Variants in AS3MT observed in about 807,000 individuals in gnomAD.
The protein encoded by AS3MT is S-adenosyl-L-methionine:arsenic(III) methyltransferase.
AS3MT carries 47 observed loss-of-function variants against 45.3 expected under a neutral mutation model. The ratio of observed to expected loss-of-function variants is 1.04; its 90% CI spans 0.82 to 1.32. The LOEUF (loss-of-function observed/expected upper bound fraction) is 1.32, where lower values mean the gene tolerates loss of function less well. Among genes scored for constraint, AS3MT ranks in the 40% most tolerant of loss-of-function variants. AS3MT has a pLI of 0.00. For synonymous variants in AS3MT, 141 were observed against 152.8 expected (o/e 0.92, Z 0.57); for missense variants, 396 against 451.1 (o/e 0.88, Z 1.11).
At chr10:102,892,337 C>T (rs1235232457) in intron 10 of AS3MT, among the ~76,000 whole-genome samples, 1 of 152,104 alleles carries the variant, frequency 6.6e-6, no homozygotes, top group Non-Finnish European at 1.5e-5. Flanking sequence ...AAATTCCGTG[C>T]TGCTAAAATT....
Position 102,890,640 on chromosome 10 carries a change from T to G in AS3MT, c.982T>G (p.Leu328Val). The G allele has an allele frequency of 6.2e-7, 1 of 1,613,716 alleles. No homozygotes were observed. Among genetic ancestry groups the G allele is most frequent in the Non-Finnish European group, 8.5e-7 (1 of 1,179,850 alleles). The change falls in exon 10 of 11, where the codon TTG becomes GTG. Residue 328 changes from leucine to valine, a missense_variant. Coordinates refer to ENST00000369880, the MANE Select transcript of AS3MT (RefSeq NM_020682.4). The part of the protein sequence containing the change: ...DFLIRPIGEK[L>V]PTSGGCSALE... ...TCTGATCAGACCAATTGGAGAGAAG[T>G]TGCCAACATCTGGAGGCTGTTCTGC...
At chr10:102,883,350 C>G (rs1027021794) in intron 9 of AS3MT, among the ~76,000 whole-genome samples, 3 of 151,794 alleles carry the variant, frequency 2.0e-5, no homozygotes, top group Non-Finnish European at 4.4e-5. Flanking sequence ...ATCTGCCCAC[C>G]TCGGCCTCCC....
At chr10:102,889,835 C>A (rs1362363395) in intron 9 of AS3MT, among the ~76,000 whole-genome samples, 2 of 151,832 alleles carry the variant, frequency 1.3e-5, no homozygotes, top group Non-Finnish European at 2.9e-5. Flanking sequence ...GCCGCCATAC[C>A]CAGCTAATTT....
At chr10:102,876,399 T>C (rs530071871) in intron 6 of AS3MT, among the ~76,000 whole-genome samples, 1 of 150,988 alleles carries the variant, frequency 6.6e-6, no homozygotes, top group East Asian at 2.0e-4. Context: ...AACAATCCTC[T>C]TGAGTAGCTA....
chr10:102,877,392 T>C (rs1182425017), intron 7 of AS3MT, among the ~76,000 whole-genome samples: 1 of 152,184 alleles, frequency 6.6e-6, no homozygotes, highest in Non-Finnish European at 1.5e-5. Context: ...GTTCTCATCA[T>C]TATTGTGTTC....
chr10:102,874,178 G>A (rs1213852825), intron 5 of AS3MT, among the ~76,000 whole-genome samples: 1 of 152,014 alleles, frequency 6.6e-6, no homozygotes, highest in Non-Finnish European at 1.5e-5. Context: ...ACTTGAACCC[G>A]GGAGGCGGAG....
intron 9 of AS3MT, among the ~76,000 whole-genome samples, chr10:102,889,795 C>A (rs1475576574): frequency 6.6e-6 from 1 of 151,842 alleles, no homozygotes; most frequent in Non-Finnish European, 1.5e-5. Flanking sequence ...TCTGCCTCAG[C>A]CTCCCGAGTA....
rs1845265025 is a variant in AS3MT at position 102,901,155 on chromosome 10, AT to A, written c.*457del. 1 of 151,710 alleles carries A rather than the reference AT, an allele frequency of 6.6e-6. No homozygotes were observed. The highest frequency in any genetic ancestry group is 1.9e-4 in the East Asian group (1 of 5,186). The allele number at this position is 151,710 out of a possible 1,614,324, so 9.4% of individuals were successfully genotyped here. On this transcript the variant is annotated 3_prime_UTR_variant, in exon 11 of 11. Coordinates refer to ENST00000369880, the MANE Select transcript of AS3MT (RefSeq NM_020682.4). The stretch of plus-strand genomic sequence containing the variant: ...ACAACAAATGGCAGAGAGCCACCAT[AT>A]TCCAAATCACTGAAAAAAATAAATG...
At chr10:102,882,414 A>C in intron 9 of AS3MT, among the ~76,000 whole-genome samples, 1 of 148,606 alleles carries the variant, frequency 6.7e-6, no homozygotes. Flanking sequence ...AAATGTATTT[A>C]TTTCTTTATT....
At chr10:102,893,850 T>G (rs1268837377) in intron 10 of AS3MT, among the ~76,000 whole-genome samples, 1 of 151,642 alleles carries the variant, frequency 6.6e-6, no homozygotes, top group Non-Finnish European at 1.5e-5. Flanking sequence ...GTCAGGCTGG[T>G]CTCAAACTGC....
intron 3 of AS3MT, among the ~76,000 whole-genome samples, chr10:102,871,598 G>A (rs1172898347): frequency 1.4e-5 from 2 of 138,314 alleles, no homozygotes; most frequent in Non-Finnish European, 3.1e-5. Context: ...AGTGGTGGCA[G>A]GCGCTCGTAG....
intron 5 of AS3MT, among the ~76,000 whole-genome samples, chr10:102,873,582 A>G (rs1259900129): frequency 6.6e-6 from 1 of 152,118 alleles, no homozygotes; most frequent in Non-Finnish European, 1.5e-5. Flanking sequence ...CACTGTGCTC[A>G]GCCCTCATTT....
intron 6 of AS3MT, among the ~76,000 whole-genome samples, chr10:102,876,028 CTTTG>C (rs1431275227): frequency 6.6e-6 from 1 of 151,954 alleles, no homozygotes; most frequent in Non-Finnish European, 1.5e-5. Context: ...TTAGTGATGT[CTTTG>C]TTAGTATGTC....
chr10:102,884,842 C>T (rs768175654), intron 9 of AS3MT, among the ~76,000 whole-genome samples: 8 of 152,068 alleles, frequency 5.3e-5, no homozygotes, highest in South Asian at 2.1e-4. Context: ...ACACTGCGAC[C>T]GGCCAAACAT....
rs1554884625 is a variant in AS3MT at position 102,889,598 on chromosome 10, C to CCTTGCCTGTCTG, written c.886-945_886-944insTTGCCTGTCTGC. The stretch of plus-strand genomic sequence containing the variant: ...GATTTCATTTCATTCCCTTCCCTTC[C>CCTTGCCTGTCTG]CCTGCCTGTCTGCCTGCCTTCCTTC... On this transcript the variant is annotated intron_variant, in intron 9 of 10. Transcript: ENST00000369880. Among the ~76,000 whole-genome samples the CCTTGCCTGTCTG allele has an allele frequency of 4.1e-4, 51 of 125,764 alleles. 1 individual carries two copies. The highest frequency in any genetic ancestry group is 1.1e-3 in the South Asian group (4 of 3,740). The allele number at this position is 125,764 out of a possible 152,430, so 82.5% of individuals were successfully genotyped here.
intron 5 of AS3MT, among the ~76,000 whole-genome samples, chr10:102,873,487 T>A (rs7920657): frequency 0.25 from 37,359 of 151,938 alleles, 4,804 homozygotes; most frequent in East Asian, 0.42. Flanking sequence ...GGTTTCACCA[T>A]GTTGGCCAGG....
chr10:102,875,431 C>T (rs545232340), intron 6 of AS3MT, among the ~76,000 whole-genome samples: 60 of 138,180 alleles, frequency 4.3e-4, no homozygotes, highest in African/African-American at 1.5e-3. Context: ...GAGCCAGGAT[C>T]GTGCCACTGC....
At chr10:102,886,187 C>A (rs12245779) in intron 9 of AS3MT, among the ~76,000 whole-genome samples, 15,753 of 151,734 alleles carry the variant, frequency 0.1, 842 homozygotes, top group Middle Eastern at 0.18. Context: ...TTTCCTTCTA[C>A]TAATTTTGAG....
chr10:102,895,526 T>G (rs374451577), intron 10 of AS3MT, among the ~76,000 whole-genome samples: 1 of 152,034 alleles, frequency 6.6e-6, no homozygotes, highest in South Asian at 2.1e-4. Flanking sequence ...TATCACAAAA[T>G]TATGTCTTTA....
Sources: allele counts gnomAD v4.1 joint callset (sites outside exome capture counted in the v4.1 genomes callset), GRCh38; gene constraint gnomAD v4.1.1; transcripts MANE v1.5; gene names NCBI Gene and HGNC (gene_info 2026-07-23, HGNC 2026-07-21).